The following EFCAB6 variants were observed in gnomAD, a reference collection of about 807,000 sequenced individuals.
The protein encoded by EFCAB6 is EF-hand calcium-binding domain-containing protein 6.
EFCAB6 carries 156 observed loss-of-function variants against 169.8 expected under a neutral mutation model. The observed-to-expected ratio is 0.92, with a 90% CI of 0.81 to 1.05. The LOEUF is 1.05. EFCAB6 is among the 50% of genes least tolerant of loss of function. The probability of loss-of-function intolerance (pLI) is 0.00; values close to 1 mark genes in which losing one functional copy is unlikely to be tolerated. For synonymous variants in EFCAB6, 698 were observed against 676.4 expected, an observed-to-expected ratio of 1.03 and a Z score of -0.50; for missense variants, 1,800 against 1,829.1, an observed-to-expected ratio of 0.98 and a Z score of 0.29.
chr22:43,635,113 G>T lies in EFCAB6; in HGVS notation c.2087C>A (p.Ala696Glu), dbSNP rs1156836227. The change falls in exon 18 of 32, where the codon GCA (alanine) becomes GAA (glutamate). Residue 696 changes from alanine (A) to glutamate (E), a missense_variant. Coordinates refer to ENST00000262726, the MANE Select transcript of EFCAB6 (RefSeq NM_022785.4). ...KEGMSYLDFA[A>E]GFEDPPMRGP... Reference sequence around the variant, plus strand: ...TGGCCATTAGCTACCTTCAAATCCTGCTGCAAAATCAAGATAGCTCATCCC... The same window carrying T: ...TGGCCATTAGCTACCTTCAAATCCTTCTGCAAAATCAAGATAGCTCATCCC... The T allele has an allele frequency of 6.2e-7, 1 of 1,613,886 alleles. No homozygotes were observed. The highest frequency in any genetic ancestry group is 2.2e-5 in the East Asian group (1 of 44,886).
chr22:43,784,968 A>G (rs1035444987), intron 2 of EFCAB6, among the ~76,000 whole-genome samples: 1 of 152,086 alleles, frequency 6.6e-6, no homozygotes, highest in African/African-American at 2.4e-5. Flanking sequence ...AAGGAAGAGC[A>G]TTTGAGAAAG....
chr22:43,667,097 C>T lies in EFCAB6; in HGVS notation c.1983+7G>A, dbSNP rs775740587. On this transcript the variant is annotated splice_region_variant and intron_variant, in intron 17 of 31. Transcript: ENST00000262726. ...GGATAGAAACAAAGAGAAACCCATT[C>T]TCCTACCTTCTTAAAGTCATGCACG... 6.2e-7 allele frequency: 1 copy of T among 1,611,964 alleles called. No individual in the cohort carries two copies. The highest frequency in any genetic ancestry group is 8.5e-7 in the Non-Finnish European group (1 of 1,179,142).
At chr22:43,784,547 A>ATATACACATATATG (rs1204100633) in intron 2 of EFCAB6, among the ~76,000 whole-genome samples, 1,891 of 80,950 alleles carry the variant, frequency 0.023, 195 homozygotes, top group East Asian at 0.046. Context: ...GTGTGTGTAT[A>ATATACACATATATG]TGTATATATA....
At chr22:43,532,442 G>A (rs559532864) in intron 30 of EFCAB6, among the ~76,000 whole-genome samples, 11 of 152,386 alleles carry the variant, frequency 7.2e-5, no homozygotes, top group Non-Finnish European at 1.2e-4. Flanking sequence ...CCAGGGAGGC[G>A]GAGGAAGGAT....
chr22:43,632,294 CTTT>C (rs200314912), intron 18 of EFCAB6, 56 bp from the exon 19 acceptor site: 9,002 of 1,118,486 alleles, frequency 8.0e-3, no homozygotes, highest in East Asian at 0.012. Flanking sequence ...TTCATTCCTT[CTTT>C]TTTTTTTTTT....
At chr22:43,592,386 G>A (rs193123731) in intron 23 of EFCAB6, among the ~76,000 whole-genome samples, 4 of 152,258 alleles carry the variant, frequency 2.6e-5, no homozygotes, top group Non-Finnish European at 4.4e-5. Flanking sequence ...ATGATTACTC[G>A]TCATCACAAC....
chr22:43,598,794 T>A (rs1463460105), intron 23 of EFCAB6, among the ~76,000 whole-genome samples: 4 of 152,134 alleles, frequency 2.6e-5, no homozygotes, highest in Admixed American at 6.5e-5. Flanking sequence ...ACACATTTTT[T>A]AAAAAATATA....
intron 10 of EFCAB6, among the ~76,000 whole-genome samples, chr22:43,709,598 C>T (rs148672035): frequency 6.6e-6 from 1 of 151,940 alleles, no homozygotes; most frequent in Admixed American, 6.5e-5. Flanking sequence ...TATATTTGTA[C>T]GTGAATACAA....
At chr22:43,777,806 T>C (rs1043337707) in intron 3 of EFCAB6, among the ~76,000 whole-genome samples, 12 of 152,230 alleles carry the variant, frequency 7.9e-5, no homozygotes, top group East Asian at 3.8e-4. Context: ...TTAAAATACG[T>C]AAAGGAAGAC....
At chr22:43,656,389 T>C (rs1399933147) in intron 17 of EFCAB6, among the ~76,000 whole-genome samples, 1 of 146,506 alleles carries the variant, frequency 6.8e-6, no homozygotes, top group Non-Finnish European at 1.5e-5. Flanking sequence ...CAAAACGCCA[T>C]CTAAAAAAAA....
At chr22:43,724,367 CTTTTTT>C (rs58226287) in intron 8 of EFCAB6, among the ~76,000 whole-genome samples, 2 of 107,902 alleles carry the variant, frequency 1.9e-5, no homozygotes, top group Non-Finnish European at 1.9e-5. Context: ...TTTCTTTTTT[CTTTTTT>C]TTTTTTTTTT....
intron 3 of EFCAB6, among the ~76,000 whole-genome samples, chr22:43,777,263 C>T (rs1002761721): frequency 2.6e-5 from 4 of 152,158 alleles, no homozygotes; most frequent in Non-Finnish European, 2.9e-5. Context: ...CGGTTAGATG[C>T]GGTGCACGCA....
At chr22:43,731,650 A>T in intron 8 of EFCAB6, 49 bp downstream of exon 8, 1 of 1,161,946 alleles carries the variant, frequency 8.6e-7, no homozygotes, top group Non-Finnish European at 1.2e-6. Context: ...AGGAATTACC[A>T]TGCCAAAAGA....
chr22:43,799,156 G>A (rs753215390), intron 2 of EFCAB6, among the ~76,000 whole-genome samples: 43 of 150,254 alleles, frequency 2.9e-4, no homozygotes, highest in African/African-American at 8.3e-4. Context: ...GTGAGACCTC[G>A]TCTTTACAAA....
chr22:43,653,629 C>A (rs2056591119), intron 17 of EFCAB6, among the ~76,000 whole-genome samples: 1 of 152,278 alleles, frequency 6.6e-6, no homozygotes, highest in Middle Eastern at 3.4e-3. Flanking sequence ...GAAATGAAGA[C>A]AGAGAATCAC....
At chr22:43,805,349 C>T (rs2062880615) in intron 2 of EFCAB6, among the ~76,000 whole-genome samples, 1 of 152,164 alleles carries the variant, frequency 6.6e-6, no homozygotes, top group Admixed American at 6.6e-5. Flanking sequence ...AGAATATTAT[C>T]CAGCCATAAA....
At chr22:43,642,002 A>C (rs980387435) in intron 17 of EFCAB6, among the ~76,000 whole-genome samples, 4 of 152,140 alleles carry the variant, frequency 2.6e-5, no homozygotes, top group Non-Finnish European at 5.9e-5. Flanking sequence ...GTGCAATGGC[A>C]CAATCTTGGC....
intron 21 of EFCAB6, among the ~76,000 whole-genome samples, chr22:43,610,529 T>C (rs1463024315): frequency 6.6e-6 from 1 of 152,220 alleles, no homozygotes; most frequent in Non-Finnish European, 1.5e-5. Flanking sequence ...TGGTACCAAG[T>C]GCTACAGGGT....
chr22:43,573,117 A>G (rs1450545307), intron 26 of EFCAB6, among the ~76,000 whole-genome samples: 2 of 152,222 alleles, frequency 1.3e-5, no homozygotes, highest in Non-Finnish European at 2.9e-5. Flanking sequence ...AATAACGCCT[A>G]AGACTGATCA....
Sources: allele counts gnomAD v4.1 joint callset (sites outside exome capture counted in the v4.1 genomes callset), GRCh38; gene constraint gnomAD v4.1.1; transcripts MANE v1.5; gene names NCBI Gene and HGNC (gene_info 2026-07-23, HGNC 2026-07-21).